EPHA10: variants seen among roughly 807,000 people sequenced by gnomAD.
The protein encoded by EPHA10 is ephrin type-A receptor 10.
EPHA10 carries 120 observed loss-of-function variants against 109.7 expected under a neutral mutation model. The ratio of observed to expected loss-of-function variants is 1.09; its 90% CI spans 0.94 to 1.27. The LOEUF is 1.27. Ranked by LOEUF, EPHA10 falls within the 50% of genes most tolerant of loss-of-function variation. The pLI is 0.00. For missense variants in EPHA10, 1,396 were observed against 1,411.1 expected (o/e 0.99, Z 0.17); for synonymous variants, 640 against 618.9 (o/e 1.03, Z -0.51).
At chr1:37,741,924 C>T (rs1646161201) in intron 5 of EPHA10, among the ~76,000 whole-genome samples, 1 of 152,042 alleles carries the variant, frequency 6.6e-6, no homozygotes, top group Non-Finnish European at 1.5e-5. Context: ...AGCACAAAGG[C>T]GAGAGGAGTG....
Position 37,723,102 on chromosome 1 carries a change from C to T in EPHA10, c.1899G>A (p.Val633=), listed in dbSNP as rs888974142. 2 of 1,614,124 alleles carry T rather than the reference C, an allele frequency of 1.2e-6. No individual in the cohort carries two copies. Among genetic ancestry groups the T allele is most frequent in the African/African-American group, 2.7e-5 (2 of 74,940 alleles). The change falls in exon 10 of 17, where the codon GTG becomes GTA. Residue 633 remains valine, a synonymous_variant. Coordinates refer to ENST00000373048, the MANE Select transcript of EPHA10 (RefSeq NM_001099439.2). Reference sequence around the variant, plus strand: ...CATCCAGTTCCTTGGCGAACAGATGCACAGCCTGCAGCAGGTCCCCACAGC... The same window carrying T: ...CATCCAGTTCCTTGGCGAACAGATGTACAGCCTGCAGCAGGTCCCCACAGC... ...PQSCGDLLQA[V]HLFAKELDAK...
intron 5 of EPHA10, among the ~76,000 whole-genome samples, chr1:37,737,144 C>T (rs1646083246): frequency 1.3e-5 from 2 of 152,136 alleles, no homozygotes; most frequent in Non-Finnish European, 2.9e-5. Context: ...TCAACACAAT[C>T]ATGGGAAGGA....
chr1:37,753,178 G>A lies in EPHA10; in HGVS notation c.1055C>T (p.Pro352Leu), dbSNP rs1172308746. 9.3e-6 allele frequency: 13 copies of A among 1,404,082 alleles called. No homozygotes were observed. The East Asian group carries it at 9.3e-5, about 10-fold the overall frequency. 87.0% of individuals were successfully genotyped at this position (1,404,082 alleles called of 1,614,324 possible). The change falls in exon 5 of 17, where the codon CCG (proline) becomes CTG (leucine). Residue 352 changes from proline (P) to leucine (L), a missense_variant. Coordinates refer to ENST00000373048, the MANE Select transcript of EPHA10 (RefSeq NM_001099439.2). ...CAGCCAGCGCAGTCGCAGCACCAGCGGCGAGCGGCTCAGGCTGTACTGCAG... is the reference window on the plus strand; with the variant it reads ...CAGCCAGCGCAGTCGCAGCACCAGCAGCGAGCGGCTCAGGCTGTACTGCAG... ...RDLQYSLSRS[P>L]LVLRLRWLPP...
At chr1:37,735,133 G>T in intron 6 of EPHA10, 124 bp downstream of exon 6, 1 of 1,292,906 alleles carries the variant, frequency 7.7e-7, no homozygotes, top group Non-Finnish European at 1.1e-6. Flanking sequence ...GCCCCTAGGA[G>T]ACGGGTGGTT....
rs530894374 is a variant in EPHA10 at position 37,731,056 on chromosome 1, A to G, written c.1663+355T>C. ...CTTCATGTCCATCAACCTTCAGTGA[A>G]GTCAGCATCACGCTCTAAGGCCTAG... On this transcript the variant is annotated intron_variant, in intron 7 of 16. Coordinates refer to ENST00000373048, the MANE Select transcript of EPHA10 (RefSeq NM_001099439.2). Among the ~76,000 whole-genome samples, 162 of 152,248 alleles carry G rather than the reference A, an allele frequency of 1.1e-3. 1 individual carries two copies. The highest frequency in any genetic ancestry group is 3.7e-3 in the African/African-American group (153 of 41,550).
rs1645968267 is a variant in EPHA10, at chr1:37,730,718, G to T, written c.1663+693C>A. ...ATCCTTCTTTTTTTTTTGAGACAGA[G>T]TCTCACTCTGTGACCTAGGCTGGAA... On this transcript the variant is annotated intron_variant, in intron 7 of 16. Coordinates refer to ENST00000373048, the MANE Select transcript of EPHA10 (RefSeq NM_001099439.2). Among the ~76,000 whole-genome samples the T allele has an allele frequency of 4.0e-5, 6 of 151,806 alleles. No homozygotes were observed. The South Asian group carries it at 1.2e-3, about 31-fold the overall frequency.
rs1645768392 is a variant in EPHA10 at position 37,720,333 on chromosome 1, G to C, written c.2412+18C>G. On this transcript the variant is annotated intron_variant, in intron 13 of 16. Transcript: ENST00000373048. ...GGAACCAGAAGGCACAGGCAGGCTT[G>C]GCTGGGGGCGCCCTCACCATAGTGG... 2 of 1,580,340 alleles carry C rather than the reference G, an allele frequency of 1.3e-6. No homozygotes were observed. The highest frequency in any genetic ancestry group is 1.7e-6 in the Non-Finnish European group (2 of 1,163,424).
At position 37,720,350 on chromosome 1, in the gene EPHA10, C is replaced by T; in HGVS notation, c.2412+1G>A. 6.2e-7 allele frequency: 1 copy of T among 1,601,762 alleles called. No individual in the cohort carries two copies. Among genetic ancestry groups the T allele is most frequent in the Non-Finnish European group, 8.5e-7 (1 of 1,175,064 alleles). ...GCAGGCTTGGCTGGGGGCGCCCTCA[C>T]CATAGTGGTGTAGACAGCCTCTGAT... On this transcript the variant is annotated splice_donor_variant, in intron 13 of 16. Transcript: ENST00000373048. LOFTEE classifies it high-confidence loss of function.
Position 37,761,486 on chromosome 1 carries a change from C to G in EPHA10, c.769G>C (p.Gly257Arg), listed in dbSNP as rs769601385. The change falls in exon 3 of 17, where the codon GGC becomes CGC. Residue 257 changes from glycine to arginine, a missense_variant. Transcript: ENST00000373048. ...GGCACCAGCCACTCGCCGTCGGCGC[C>G]GCAGTGCATGCGTGGGGGGCTGCCA... The part of the protein sequence containing the change: ...EPGSPPRMHC[G>R]ADGEWLVPVG... The G allele has an allele frequency of 1.2e-6, 2 of 1,600,610 alleles. No homozygotes were observed. Among genetic ancestry groups the G allele is most frequent in the Admixed American group, 1.7e-5 (1 of 59,938 alleles).
intron 3 of EPHA10, among the ~76,000 whole-genome samples, chr1:37,755,842 A>G (rs1646388883): frequency 6.6e-6 from 1 of 152,086 alleles, no homozygotes; most frequent in East Asian, 1.9e-4. Context: ...ACCTCTCAGA[A>G]CTTGGGTGGT....
chr1:37,761,102 A>T, intron 3 of EPHA10: 1 of 1,185,084 alleles, frequency 8.4e-7, no homozygotes, highest in Non-Finnish European at 1.1e-6. Flanking sequence ...AAAAAAAAAA[A>T]AACAATGACT....
chr1:37,745,589 C>T (rs138831975), intron 5 of EPHA10, among the ~76,000 whole-genome samples: 1 of 152,302 alleles, frequency 6.6e-6, no homozygotes, highest in African/African-American at 2.4e-5. Context: ...TGGCTCATAC[C>T]TGTAATCTCA....
At chr1:37,760,211 T>G in intron 3 of EPHA10, 7 of 943,958 alleles carry the variant, frequency 7.4e-6, no homozygotes, top group Non-Finnish European at 9.0e-6. Flanking sequence ...TGTGAGCTTC[T>G]TGAGAGCTAG....
chr1:37,725,460 C>T (rs1645872333), intron 8 of EPHA10, among the ~76,000 whole-genome samples: 1 of 132,388 alleles, frequency 7.6e-6, no homozygotes, highest in Admixed American at 8.6e-5. Context: ...GAGCTGAGAT[C>T]ATGCCACTGC....
At chr1:37,719,341 G>C in intron 15 of EPHA10, 73 bp downstream of exon 15, 1 of 1,535,714 alleles carries the variant, frequency 6.5e-7, no homozygotes, top group Non-Finnish European at 8.9e-7. Flanking sequence ...GAGGCGGTGG[G>C]TTTGCACTTG....
At chr1:37,729,856 C>T (rs527627912) in intron 7 of EPHA10, among the ~76,000 whole-genome samples, 163 of 149,706 alleles carry the variant, frequency 1.1e-3, no homozygotes, top group Middle Eastern at 6.8e-3. Flanking sequence ...CTGGGTGACA[C>T]AGTAAGACCC....
chr1:37,728,868 T>A (rs1376806354), intron 7 of EPHA10, among the ~76,000 whole-genome samples: 1 of 152,044 alleles, frequency 6.6e-6, no homozygotes, highest in Non-Finnish European at 1.5e-5. Context: ...TGCCAAGAAC[T>A]GTTTGAAATG....
rs56226051 is a variant in EPHA10, at chr1:37,732,863, C to CTTT, written c.1492-1284_1492-1282dup. Among the ~76,000 whole-genome samples, 31 of 25,040 alleles carry CTTT rather than the reference C, an allele frequency of 1.2e-3. 7 individuals are homozygous for CTTT. The highest frequency in any genetic ancestry group is 2.3e-3 in the Admixed American group (4 of 1,766). 16.4% of individuals were successfully genotyped at this position (25,040 alleles called of 152,430 possible). On this transcript the variant is annotated intron_variant, in intron 6 of 16. Coordinates refer to ENST00000373048, the MANE Select transcript of EPHA10 (RefSeq NM_001099439.2). ...CAAATATAGCCCTTTTATACTTGTT[C>CTTT]TTTTTTTTTTTTTTTTTTTTTTTTT...
At chr1:37,729,834 C>T (rs1167732032) in intron 7 of EPHA10, among the ~76,000 whole-genome samples, 2 of 151,460 alleles carry the variant, frequency 1.3e-5, no homozygotes, top group Non-Finnish European at 2.9e-5. Context: ...GATTGTGCCA[C>T]TACACTCCAG....
Sources: allele counts gnomAD v4.1 joint callset (sites outside exome capture counted in the v4.1 genomes callset), GRCh38; gene constraint gnomAD v4.1.1; transcripts MANE v1.5; gene names NCBI Gene and HGNC (gene_info 2026-07-23, HGNC 2026-07-21).